Variants in LDLRAD4 observed in about 807,000 individuals in gnomAD.
The protein encoded by LDLRAD4 is low density lipoprotein receptor class A domain containing 4.
In LDLRAD4, 5 loss-of-function variants were observed where a neutral mutation model predicts 17.0. The observed-to-expected ratio is 0.29, with a 90% CI of 0.15 to 0.62. The LOEUF (loss-of-function observed/expected upper bound fraction) is 0.62, where lower values mean the gene tolerates loss of function less well. LDLRAD4 is among the 20% of genes least tolerant of loss of function. The pLI, the probability that LDLRAD4 is intolerant of heterozygous loss-of-function variation, is 0.84. For synonymous variants in LDLRAD4, 168 were observed against 171.8 expected (o/e 0.98, Z 0.17); for missense variants, 340 against 424.7 (o/e 0.80, Z 1.75).
At chr18:13,294,463 A>T (rs755805247) in intron 1 of LDLRAD4, among the ~76,000 whole-genome samples, 2 of 152,194 alleles carry the variant, frequency 1.3e-5, no homozygotes, top group Non-Finnish European at 2.9e-5. Context: ...TGTAGCTGTT[A>T]TTATAGAAGA....
intron 3 of LDLRAD4, among the ~76,000 whole-genome samples, chr18:13,598,791 G>C (rs1417577115): frequency 6.6e-6 from 1 of 152,228 alleles, no homozygotes; most frequent in Non-Finnish European, 1.5e-5. Context: ...CAAAATCTCT[G>C]AGTTGATGCT....
intron 3 of LDLRAD4, among the ~76,000 whole-genome samples, chr18:13,485,007 A>G (rs1382384750): frequency 1.4e-4 from 22 of 152,222 alleles, no homozygotes. Context: ...GATGAGCTCT[A>G]TCACGACACC....
chr18:13,626,498 G>C lies in LDLRAD4; in HGVS notation c.336+5227G>C, dbSNP rs559024884. On this transcript the variant is annotated intron_variant, in intron 4 of 5. Coordinates refer to ENST00000359446, the Ensembl canonical transcript of LDLRAD4. ...AGAAGGGTCTGGCCATCAGCGGATG[G>C]AGGGAGAGGCAGGAGAGGGACAGGG... is the stretch of plus-strand genomic sequence containing the variant. Among the ~76,000 whole-genome samples the C allele has an allele frequency of 3.5e-3, 530 of 152,352 alleles. 1 individual carries two copies. The highest frequency in any genetic ancestry group is 0.012 in the African/African-American group (502 of 41,580).
rs373067018 is a variant in LDLRAD4 at position 13,356,351 on chromosome 18, T to G, written c.-382-30990T>G. Among the ~76,000 whole-genome samples the G allele has an allele frequency of 1.1e-4, 17 of 152,352 alleles. No homozygotes were observed. The East Asian group carries it at 1.9e-3, about 17-fold the overall frequency. ...AGGTGCACTGCCACCACACCAAGTG[T>G]GCAAAGGACCCGGGTAAATGCATTG... On this transcript the variant is annotated intron_variant, in intron 1 of 5. Transcript: ENST00000359446.
chr18:13,568,717 T>G (rs1459201713), intron 3 of LDLRAD4, among the ~76,000 whole-genome samples: 1 of 152,178 alleles, frequency 6.6e-6, no homozygotes, highest in Non-Finnish European at 1.5e-5. Context: ...ACCTGTGGCC[T>G]TCGTTATAAT....
intron 3 of LDLRAD4, among the ~76,000 whole-genome samples, chr18:13,597,096 T>G (rs185601397): frequency 2.0e-5 from 3 of 152,338 alleles, no homozygotes; most frequent in African/African-American, 7.2e-5. Flanking sequence ...ATTTCTTAAG[T>G]GAGTCTACTA....
rs150730833 is a variant in LDLRAD4 at position 13,318,874 on chromosome 18, C to A, written c.-383+40686C>A. Among the ~76,000 whole-genome samples, 225 of 152,310 alleles carry A rather than the reference C, an allele frequency of 1.5e-3. 1 individual carries two copies. Among genetic ancestry groups the A allele is most frequent in the African/African-American group, 5.3e-3 (220 of 41,574 alleles). ...GTTAGAAAAGCCCTCTTACTTTACA[C>A]TGAGTCATGCTCCCTCTCCACCACG... is the stretch of plus-strand genomic sequence containing the variant. On this transcript the variant is annotated intron_variant, in intron 1 of 5. Transcript: ENST00000359446.
chr18:13,612,392 C>G, intron 3 of LDLRAD4: 1 of 1,195,424 alleles, frequency 8.4e-7, no homozygotes, highest in Non-Finnish European at 1.0e-6. Flanking sequence ...GTGACACGGC[C>G]GGCTTCCTGC....
intron 3 of LDLRAD4, among the ~76,000 whole-genome samples, chr18:13,466,941 C>G (rs566524391): frequency 7.2e-5 from 11 of 152,344 alleles, no homozygotes; most frequent in Admixed American, 2.0e-4. Flanking sequence ...CTGAAGGCTC[C>G]ACTTCCTAAT....
In LDLRAD4 at chr18:13,367,099, G is replaced by A. The variant is rs560632139; in HGVS notation, c.-382-20242G>A. On this transcript the variant is annotated intron_variant, in intron 1 of 5. Transcript: ENST00000359446. The surrounding 1 kb of genome is among the most constrained non-coding windows in gnomAD (Gnocchi z 4.1). The stretch of plus-strand genomic sequence containing the variant: ...TACTCTTAGGACATTTGCCCACAGC[G>A]AGATGCAAACTGGGTGTCACACAGA... Among the ~76,000 whole-genome samples the A allele has an allele frequency of 2.6e-5, 4 of 152,290 alleles. No individual in the cohort carries two copies. Among genetic ancestry groups the A allele is most frequent in the African/African-American group, 9.6e-5 (4 of 41,560 alleles).
chr18:13,252,990 C>A (rs1291214617), intron 1 of LDLRAD4, among the ~76,000 whole-genome samples: 1 of 152,216 alleles, frequency 6.6e-6, no homozygotes, highest in Non-Finnish European at 1.5e-5. Context: ...CAGGTGAGTG[C>A]TTGCATGGAA....
upstream of LDLRAD4, among the ~76,000 whole-genome samples, chr18:13,275,949 G>C (rs917464924): frequency 1.3e-5 from 2 of 152,102 alleles, no homozygotes; most frequent in African/African-American, 4.8e-5. Flanking sequence ...ATGTGTATGC[G>C]TTTAGTATAT....
upstream of LDLRAD4, chr18:13,217,723 T>C (rs2145256342): frequency 6.7e-6 from 1 of 149,984 alleles, no homozygotes; most frequent in East Asian, 2.0e-4. The surrounding 1 kb of genome is among the most constrained non-coding windows in gnomAD (Gnocchi z 4.9). Context: ...CAGCGCCGCG[T>C]CCCCTCTCTC....
chr18:13,425,335 A>C (rs1392221212), intron 2 of LDLRAD4, among the ~76,000 whole-genome samples: 1 of 152,018 alleles, frequency 6.6e-6, no homozygotes, highest in Non-Finnish European at 1.5e-5. Context: ...GCTTTCATTT[A>C]TATTTTTATG....
chr18:13,526,440 A>T (rs922022063), intron 3 of LDLRAD4: 1 of 152,260 alleles, frequency 6.6e-6, no homozygotes, highest in Non-Finnish European at 1.5e-5. Context: ...AGCTCCAAAA[A>T]CAAAGCCAGA....
chr18:13,328,253 C>G (rs937724725), intron 1 of LDLRAD4, among the ~76,000 whole-genome samples: 5 of 152,212 alleles, frequency 3.3e-5, no homozygotes, highest in African/African-American at 9.7e-5. Context: ...GCTAAAAACT[C>G]CATCCTTGGA....
chr18:13,436,190 A>G (rs1184000920), intron 2 of LDLRAD4, among the ~76,000 whole-genome samples: 1 of 152,250 alleles, frequency 6.6e-6, no homozygotes, highest in Admixed American at 6.5e-5. Flanking sequence ...TTTTTAAAAT[A>G]GTTCATGTCA....
rs1157718015 is a variant in LDLRAD4 at position 13,610,265 on chromosome 18, A to ATTTTTTTTTTTTTTTTTTT, written c.182-10830_182-10812dup. On this transcript the variant is annotated intron_variant, in intron 3 of 5. Coordinates refer to ENST00000359446, the Ensembl canonical transcript of LDLRAD4. ...TTCCATGAAGTTCACCAAAGCCCTA[A>ATTTTTTTTTTTTTTTTTTT]TTTTTTTTTTTTTTTTTTTTTTTTT... 8.0e-5 allele frequency among the ~76,000 whole-genome samples: 5 copies of ATTTTTTTTTTTTTTTTTTT among 62,512 alleles called. 2 individuals are homozygous for ATTTTTTTTTTTTTTTTTTT. Among genetic ancestry groups the ATTTTTTTTTTTTTTTTTTT allele is most frequent in the Non-Finnish European group, 1.7e-4 (5 of 29,692 alleles). The allele number at this position is 62,512 out of a possible 152,430, so 41.0% of individuals were successfully genotyped here.
At chr18:13,468,894 A>G (rs1393831618) in intron 3 of LDLRAD4, among the ~76,000 whole-genome samples, 6 of 151,484 alleles carry the variant, frequency 4.0e-5, no homozygotes, top group Non-Finnish European at 8.8e-5. Flanking sequence ...AGATATACCT[A>G]ATGTTAAATG....
Sources: allele counts gnomAD v4.1 joint callset (sites outside exome capture counted in the v4.1 genomes callset), GRCh38; gene constraint gnomAD v4.1.1; non-coding constraint Gnocchi (gnomAD v3.1); transcripts MANE v1.5; gene names NCBI Gene and HGNC (gene_info 2026-07-23, HGNC 2026-07-21).